The following NR4A1 variants were observed in gnomAD, a reference collection of about 807,000 sequenced individuals.
The protein encoded by NR4A1 is nuclear receptor subfamily 4immunitygroup A member 1.
In NR4A1, 24 loss-of-function variants were observed where a neutral mutation model predicts 47.5. The ratio of observed to expected loss-of-function variants is 0.50; its 90% CI spans 0.37 to 0.71. The LOEUF is 0.71. Among genes scored for constraint, NR4A1 ranks in the 30% least tolerant of loss-of-function variants. The pLI, the probability that NR4A1 is intolerant of heterozygous loss-of-function variation, is 0.00. For synonymous variants in NR4A1, 353 were observed against 345.7 expected (o/e 1.02, Z -0.24); for missense variants, 669 against 788.6 (o/e 0.85, Z 1.82).
chr12:52,052,304 T>TGTGTGTGTGTGTGTGTGA (rs398019589), intron 1 of NR4A1, among the ~76,000 whole-genome samples: 1 of 70,594 alleles, frequency 1.4e-5, no homozygotes, highest in African/African-American at 4.6e-5. Flanking sequence ...TGTGTGTGTG[T>TGTGTGTGTGTGTGTGTGA]GAGAGAGAGA....
chr12:52,045,072 A>G (rs1938580957), intron 2 of NR4A1, among the ~76,000 whole-genome samples: 1 of 152,198 alleles, frequency 6.6e-6, no homozygotes, highest in Non-Finnish European at 1.5e-5. Flanking sequence ...CAGAGTATTA[A>G]TTGACCACTC....
chr12:52,037,828 A>G (rs924881291), intron 1 of NR4A1: 1 of 985,288 alleles, frequency 1.0e-6, no homozygotes, highest in Non-Finnish European at 1.2e-6. Context: ...GACTGAGTCA[A>G]GAAACCAAGG....
rs987361678 is a variant in NR4A1, at chr12:52,051,477, TGCACAGAAGAACTTCGGGAGC to T, written c.-89_-69del. 2.7e-5 allele frequency: 27 copies of T among 984,104 alleles called. No individual in the cohort carries two copies. Among genetic ancestry groups the T allele is most frequent in the South Asian group, 4.7e-5 (1 of 21,192 alleles). 61.0% of individuals were successfully genotyped at this position (984,104 alleles called of 1,614,324 possible). A position where few individuals can be genotyped will look rare whatever the true frequency, so the allele number is the denominator to read the frequency against. ...GCGGAGGCTACGAAACTTGGGGGAG[TGCACAGAAGAACTTCGGGAGC>T]GCACGCGGGACCAGGGACCAGGCTG... On this transcript the variant is annotated 5_prime_UTR_variant, in exon 1 of 7. Coordinates refer to ENST00000394825, the MANE Select transcript of NR4A1 (RefSeq NM_173157.3).
In NR4A1 at chr12:52,055,124, C is replaced by T. The variant is rs373082115; in HGVS notation, c.796C>T (p.Arg266Cys). The T allele has an allele frequency of 1.5e-5, 25 of 1,614,060 alleles. No homozygotes were observed. Among genetic ancestry groups the T allele is most frequent in the East Asian group, 6.7e-5 (3 of 44,898 alleles). Residue 266 changes from arginine (R) to cysteine (C), a missense_variant, in exon 2 of 7, where the codon CGC becomes TGC. Arg to Cys is a radical substitution (Grantham distance 180). Coordinates refer to ENST00000394825, the MANE Select transcript of NR4A1 (RefSeq NM_173157.3). ...RSGAPGGSEG[R>C]CAVCGDNASC... Reference sequence around the variant, plus strand: ...CGGGGCCCCAGGTGGAAGTGAAGGCCGCTGTGCTGTGTGTGGGGACAACGC... The same window carrying T: ...CGGGGCCCCAGGTGGAAGTGAAGGCTGCTGTGCTGTGTGTGGGGACAACGC...
intron 1 of NR4A1, among the ~76,000 whole-genome samples, chr12:52,040,143 C>T (rs761225657): frequency 7.2e-5 from 11 of 152,206 alleles, no homozygotes; most frequent in Non-Finnish European, 1.3e-4. Context: ...TGTGCTCATT[C>T]TTGCCTCTCC....
intron 1 of NR4A1, among the ~76,000 whole-genome samples, chr12:52,034,124 C>T (rs892599113): frequency 6.6e-6 from 1 of 152,194 alleles, no homozygotes; most frequent in African/African-American, 2.4e-5. Flanking sequence ...TGCCCTGCCG[C>T]ATACCTAAGG....
chr12:52,041,654 G>T (rs1039960262), intron 1 of NR4A1, among the ~76,000 whole-genome samples: 1 of 152,222 alleles, frequency 6.6e-6, no homozygotes, highest in Non-Finnish European at 1.5e-5. Flanking sequence ...AGGCTCCAAT[G>T]CCTAACCCGG....
At chr12:52,047,454 T>G (rs191450127), upstream of NR4A1, among the ~76,000 whole-genome samples, 5 of 152,248 alleles carry the variant, frequency 3.3e-5, no homozygotes, top group African/African-American at 9.6e-5. Flanking sequence ...GAACCTGCAT[T>G]GGTGGCCCCA....
intron 6 of NR4A1, 119 bp downstream of exon 6, chr12:52,057,649 T>C (rs1939346840): frequency 2.6e-6 from 3 of 1,142,226 alleles, no homozygotes; most frequent in Non-Finnish European, 2.5e-6. Context: ...TCTGGGCCCC[T>C]GCACTGCCCC....
chr12:52,050,836 A>G (rs1338092027), upstream of NR4A1, among the ~76,000 whole-genome samples: 1 of 152,170 alleles, frequency 6.6e-6, no homozygotes, highest in Non-Finnish European at 1.5e-5. Flanking sequence ...GTGTGTCCGA[A>G]TTGCCCGCCT....
chr12:52,048,258 A>G (rs891394325), upstream of NR4A1, among the ~76,000 whole-genome samples: 1 of 151,972 alleles, frequency 6.6e-6, no homozygotes, highest in Non-Finnish European at 1.5e-5. Flanking sequence ...GTTGGCAGGA[A>G]GAACAATGGC....
chr12:52,056,298 TGGAG>T, intron 3 of NR4A1, 139 bp downstream of exon 3: 1 of 1,405,944 alleles, frequency 7.1e-7, no homozygotes, highest in Non-Finnish European at 9.5e-7. Flanking sequence ...CCCCAGGCCT[TGGAG>T]GGAGGCAGCC....
intron 1 of NR4A1, among the ~76,000 whole-genome samples, chr12:52,027,479 G>A (rs1358588683): frequency 6.6e-6 from 1 of 152,262 alleles, no homozygotes; most frequent in Non-Finnish European, 1.5e-5. Context: ...CAGCCACGCT[G>A]TGCCCACTGG....
intron 1 of NR4A1, among the ~76,000 whole-genome samples, chr12:52,033,193 C>G (rs1938166632): frequency 6.6e-6 from 1 of 152,182 alleles, no homozygotes; most frequent in Non-Finnish European, 1.5e-5. Flanking sequence ...AGCCCGGCCG[C>G]CCCCGGGAGC....
At chr12:52,028,255 G>A (rs1484141004) in intron 1 of NR4A1, among the ~76,000 whole-genome samples, 1 of 149,138 alleles carries the variant, frequency 6.7e-6, no homozygotes, top group Non-Finnish European at 1.5e-5. Flanking sequence ...AATGATTATG[G>A]CCATGCCAAT....
At chr12:52,058,531 C>A in intron 6 of NR4A1, 157 bp from the exon 7 acceptor site, 1 of 952,516 alleles carries the variant, frequency 1.0e-6, no homozygotes, top group Non-Finnish European at 1.5e-6. Context: ...AGACTTGTGA[C>A]GATGCTTACT....
At chr12:52,028,435 G>T (rs1358518438) in intron 1 of NR4A1, among the ~76,000 whole-genome samples, 1 of 151,976 alleles carries the variant, frequency 6.6e-6, no homozygotes, top group Non-Finnish European at 1.5e-5. Context: ...TTAGCTGGGC[G>T]TGGTGGCTCA....
intron 1 of NR4A1, chr12:52,037,536 C>T (rs1014755994): frequency 2.8e-5 from 27 of 977,724 alleles, no homozygotes; most frequent in Non-Finnish European, 3.3e-5. Context: ...CTCGGGGCCA[C>T]GCCGGAGTCC....
chr12:52,039,414 G>T (rs1458657227), intron 1 of NR4A1, among the ~76,000 whole-genome samples: 1 of 152,324 alleles, frequency 6.6e-6, no homozygotes, highest in African/African-American at 2.4e-5. Flanking sequence ...CTAGAATGAG[G>T]CTTCCTGTGG....
Sources: gnomAD v4.1 joint callset for allele counts (sites outside exome capture counted in the v4.1 genomes callset) on GRCh38, gnomAD v4.1.1 for gene constraint, MANE v1.5 for transcripts, NCBI Gene and HGNC (gene_info 2026-07-23, HGNC 2026-07-21) for gene names.